Variants in PHF21B observed in about 807,000 individuals in gnomAD.
PHF21B encodes the protein PHD finger protein 4.
Under a neutral mutation model 62.2 loss-of-function variants are expected in PHF21B, and 22 were observed. The observed-to-expected ratio is 0.35, with a 90% CI of 0.25 to 0.51. The LOEUF is 0.51. Ranked by LOEUF, PHF21B falls within the 20% of genes least tolerant of loss-of-function variation. The pLI is 0.97. For missense variants in PHF21B, 701 were observed against 707.9 expected (o/e 0.99, Z 0.11); for synonymous variants, 341 against 314.7 (o/e 1.08, Z -0.88).
chr22:44,931,302 G>A (rs537578156), intron 2 of PHF21B, among the ~76,000 whole-genome samples: 2 of 152,246 alleles, frequency 1.3e-5, no homozygotes, highest in African/African-American at 4.8e-5. Context: ...AGAGCACTGC[G>A]GGAACAAAGA....
intron 2 of PHF21B, among the ~76,000 whole-genome samples, chr22:44,984,058 A>G (rs2072890401): frequency 6.7e-6 from 1 of 148,754 alleles, no homozygotes; most frequent in South Asian, 2.2e-4. Context: ...CATCACTATC[A>G]TCATCATCAC....
chr22:44,935,776 T>C (rs1376131205), intron 2 of PHF21B, among the ~76,000 whole-genome samples: 1 of 152,144 alleles, frequency 6.6e-6, no homozygotes, highest in Non-Finnish European at 1.5e-5. Context: ...TCCTCATCTG[T>C]AAGATGGAGA....
chr22:44,971,339 T>G (rs937617053), intron 2 of PHF21B: 2 of 152,200 alleles, frequency 1.3e-5, no homozygotes, highest in East Asian at 3.9e-4. Flanking sequence ...CTTTCTGCCA[T>G]GTGTTTTTCA....
At chr22:44,969,536 G>A (rs955692114) in intron 2 of PHF21B, among the ~76,000 whole-genome samples, 2 of 152,064 alleles carry the variant, frequency 1.3e-5, no homozygotes, top group African/African-American at 4.8e-5. Context: ...CGTGGTGGTG[G>A]GCACCTGTAA....
Position 44,882,491 on chromosome 22 carries a change from A to G in PHF21B, c.*595T>C, listed in dbSNP as rs1234492415. ...GCAATTCGTAACCCTAATAATACTGACAGAAAGGGGCCCAGGTGGTTCTGC... is the reference window on the plus strand; with the variant it reads ...GCAATTCGTAACCCTAATAATACTGGCAGAAAGGGGCCCAGGTGGTTCTGC... On this transcript the variant is annotated 3_prime_UTR_variant, in exon 13 of 13. Coordinates refer to ENST00000313237, the MANE Select transcript of PHF21B (RefSeq NM_138415.5). 1 of 152,998 alleles carries G rather than the reference A, an allele frequency of 6.5e-6. No individual in the cohort carries two copies. Among genetic ancestry groups the G allele is most frequent in the African/African-American group, 2.4e-5 (1 of 41,422 alleles). The allele number at this position is 152,998 out of a possible 1,614,324, so 9.5% of individuals were successfully genotyped here. A position where few individuals can be genotyped will look rare whatever the true frequency, so the allele number is the denominator to read the frequency against.
At chr22:44,936,870 C>CTTTTTTTTTTTTTTTTTTTTTTTTTTT in intron 2 of PHF21B, among the ~76,000 whole-genome samples, 1 of 128,656 alleles carries the variant, frequency 7.8e-6, no homozygotes, top group Non-Finnish European at 1.6e-5. Context: ...CACTTTCTTT[C>CTTTTTTTTTTTTTTTTTTTTTTTTTTT]TTTTTTTTTT....
At chr22:44,893,427 C>G (rs2071001692) in intron 7 of PHF21B, 30 bp downstream of exon 7, 1 of 1,572,700 alleles carries the variant, frequency 6.4e-7, no homozygotes, top group Admixed American at 1.8e-5. Context: ...CCCCACCCTC[C>G]TGGTGGCATG....
At chr22:44,957,903 ATTTT>A (rs11312000) in intron 2 of PHF21B, among the ~76,000 whole-genome samples, 1 of 138,242 alleles carries the variant, frequency 7.2e-6, no homozygotes, top group Non-Finnish European at 1.6e-5. Context: ...ACCACTGGAC[ATTTT>A]TTTTTTTTTT....
At chr22:44,999,075 G>A (rs1002475258) in intron 2 of PHF21B, among the ~76,000 whole-genome samples, 2 of 152,124 alleles carry the variant, frequency 1.3e-5, no homozygotes, top group African/African-American at 4.8e-5. Context: ...GTATAGTACG[G>A]CCCAATCGGA....
At chr22:44,885,719 C>G in intron 11 of PHF21B, 144 bp downstream of exon 11, 6 of 1,062,298 alleles carry the variant, frequency 5.6e-6, no homozygotes, top group South Asian at 1.5e-5. Flanking sequence ...GACACAGGAC[C>G]GGTCCCAGGA....
rs8135982 is a variant in PHF21B at position 44,916,465 on chromosome 22, C to T, written c.379G>A (p.Gly127Ser). Residue 127 changes from glycine to serine, a missense_variant, in exon 4 of 13, where the codon GGC becomes AGC. Gly to Ser is a moderately conservative substitution (Grantham distance 56). Transcript: ENST00000313237. ...TCGGCGAGGGCCTGGGGCTGGCTGCCGGGCGCTGGCACATGGCTGACAGTG... is the reference window on the plus strand; with the variant it reads ...TCGGCGAGGGCCTGGGGCTGGCTGCTGGGCGCTGGCACATGGCTGACAGTG... ...NNTVSHVPAP[G>S]SQPQALAEPA... The T allele has an allele frequency of 0.069, 109,386 of 1,578,060 alleles. 4,170 individuals are homozygous for T. The highest frequency in any genetic ancestry group is 0.13 in the African/African-American group (9,814 of 74,156).
chr22:44,985,175 T>C (rs1352511536), intron 2 of PHF21B, among the ~76,000 whole-genome samples: 1 of 152,326 alleles, frequency 6.6e-6, no homozygotes, highest in South Asian at 2.1e-4. Context: ...CTAACAGCAA[T>C]ATCATTTACA....
At chr22:45,000,019 G>C (rs1439109132) in intron 2 of PHF21B, among the ~76,000 whole-genome samples, 1 of 152,100 alleles carries the variant, frequency 6.6e-6, no homozygotes, top group Non-Finnish European at 1.5e-5. Flanking sequence ...TGCCTGGCTG[G>C]CCATGAACTA....
intron 2 of PHF21B, chr22:44,989,220 T>C (rs2147500307): frequency 6.6e-6 from 1 of 152,326 alleles, no homozygotes; most frequent in East Asian, 1.9e-4. Context: ...ACTCTTCACA[T>C]GGATGTTCCT....
chr22:45,006,421 C>G (rs932616447), intron 2 of PHF21B, among the ~76,000 whole-genome samples: 1 of 152,212 alleles, frequency 6.6e-6, no homozygotes. Flanking sequence ...AAGCAAGCCT[C>G]CTTCCCGGAG....
chr22:44,981,215 G>C (rs943880989), intron 2 of PHF21B, among the ~76,000 whole-genome samples: 3 of 152,196 alleles, frequency 2.0e-5, no homozygotes, highest in African/African-American at 7.2e-5. Flanking sequence ...CTAGAGACTG[G>C]GAGGGAGAGG....
chr22:44,967,694 C>G (rs2072555764), intron 2 of PHF21B, among the ~76,000 whole-genome samples: 1 of 152,204 alleles, frequency 6.6e-6, no homozygotes. Flanking sequence ...GTCATGCACA[C>G]AGTTTGTTAA....
At chr22:44,901,960 G>A in intron 5 of PHF21B, 1 of 210,424 alleles carries the variant, frequency 4.8e-6, no homozygotes, top group Non-Finnish European at 9.9e-6. Flanking sequence ...TTGAGCCATG[G>A]CAAAAACCCC....
chr22:44,993,392 C>T lies in PHF21B; in HGVS notation c.120+15153G>A, dbSNP rs1011923640. Among the ~76,000 whole-genome samples, 18 of 152,188 alleles carry T rather than the reference C, an allele frequency of 1.2e-4. 1 individual carries two copies. Among genetic ancestry groups the T allele is most frequent in the Admixed American group, 3.9e-4 (6 of 15,284 alleles). Reference sequence around the variant, plus strand: ...TGTTGGAAGTAAAGGCAGCAGAGGCCTATCCACGCTCATCCACCACAGCGG... The same window carrying T: ...TGTTGGAAGTAAAGGCAGCAGAGGCTTATCCACGCTCATCCACCACAGCGG... On this transcript the variant is annotated intron_variant, in intron 2 of 12. Transcript: ENST00000313237.
Sources: allele counts gnomAD v4.1 joint callset (sites outside exome capture counted in the v4.1 genomes callset), GRCh38; gene constraint gnomAD v4.1.1; transcripts MANE v1.5; gene names NCBI Gene and HGNC (gene_info 2026-07-23, HGNC 2026-07-21).